RBFOX1: variants seen among roughly 807,000 people sequenced by gnomAD.
The protein encoded by RBFOX1 is RNA binding protein fox-1 homolog 1.
In RBFOX1, 8 loss-of-function variants were observed where a neutral mutation model predicts 57.7. That is an observed-to-expected ratio of 0.14 (90% CI 0.08 to 0.25). The LOEUF (loss-of-function observed/expected upper bound fraction) is 0.25. Among genes scored for constraint, RBFOX1 ranks in the 10% least tolerant of loss-of-function variants. The pLI is 1.00. For synonymous variants in RBFOX1, 326 were observed against 222.4 expected, an observed-to-expected ratio of 1.47 and a Z score of -4.15; for missense variants, 611 against 548.5, an observed-to-expected ratio of 1.11 and a Z score of -1.14.
At chr16:7,276,288 C>A (rs1310727864) in intron 4 of RBFOX1, among the ~76,000 whole-genome samples, 1 of 152,152 alleles carries the variant, frequency 6.6e-6, no homozygotes, top group African/African-American at 2.4e-5. Context: ...CCATAATGTT[C>A]CTCTCCTTCC....
chr16:7,000,113 A>T (rs368379767), intron 3 of RBFOX1, among the ~76,000 whole-genome samples: 1 of 151,912 alleles, frequency 6.6e-6, no homozygotes, highest in Non-Finnish European at 1.5e-5. Context: ...GTGTCCAAAC[A>T]TCATATTATT....
chr16:6,096,885 C>T (rs781234807), intron 1 of RBFOX1, among the ~76,000 whole-genome samples: 26 of 152,206 alleles, frequency 1.7e-4, no homozygotes, highest in Non-Finnish European at 5.9e-5. Context: ...AAGTCCCAGA[C>T]CCTTCCTCAG....
intron 4 of RBFOX1, among the ~76,000 whole-genome samples, chr16:7,169,434 C>G (rs942276234): frequency 6.6e-6 from 1 of 152,194 alleles, no homozygotes; most frequent in African/African-American, 2.4e-5. Context: ...AACGGAATCC[C>G]TGACCTAGGG....
chr16:7,410,552 G>A (rs533930530), intron 4 of RBFOX1, among the ~76,000 whole-genome samples: 131 of 152,246 alleles, frequency 8.6e-4, no homozygotes, highest in Non-Finnish European at 1.5e-3. Flanking sequence ...GTGGTGGTGC[G>A]TGCCTGTAAT....
At chr16:7,230,415 C>T (rs938517451) in intron 4 of RBFOX1, among the ~76,000 whole-genome samples, 1 of 152,112 alleles carries the variant, frequency 6.6e-6, no homozygotes, top group Admixed American at 6.6e-5. Context: ...TTAACTTATT[C>T]ATCTGCCTGC....
At chr16:6,559,085 A>T (rs896447039) in intron 2 of RBFOX1, among the ~76,000 whole-genome samples, 1 of 151,448 alleles carries the variant, frequency 6.6e-6, no homozygotes, top group Non-Finnish European at 1.5e-5. Flanking sequence ...AGTTCCTTGT[A>T]CTTTTCCTCC....
chr16:6,985,367 A>G (rs918198053), intron 3 of RBFOX1, among the ~76,000 whole-genome samples: 1 of 152,202 alleles, frequency 6.6e-6, no homozygotes, highest in Non-Finnish European at 1.5e-5. Flanking sequence ...CAAAAGATAT[A>G]TGGTCTTATA....
intron 3 of RBFOX1, among the ~76,000 whole-genome samples, chr16:5,713,522 G>A (rs1047241877): frequency 6.6e-6 from 1 of 152,134 alleles, no homozygotes; most frequent in Non-Finnish European, 1.5e-5. Context: ...TGTTCCTAAG[G>A]AGGGTATCTG....
At chr16:6,827,232 C>G (rs1241332124) in intron 3 of RBFOX1, among the ~76,000 whole-genome samples, 1 of 151,426 alleles carries the variant, frequency 6.6e-6, no homozygotes, top group Non-Finnish European at 1.5e-5. Flanking sequence ...ACTTTAATCT[C>G]ATTTTCTCCT....
intron 2 of RBFOX1, among the ~76,000 whole-genome samples, chr16:6,508,338 C>G (rs977978263): frequency 1.3e-5 from 2 of 152,062 alleles, no homozygotes; most frequent in African/African-American, 2.4e-5. Context: ...ATGTAACAAA[C>G]CTGCACTTGT....
intron 2 of RBFOX1, among the ~76,000 whole-genome samples, chr16:6,518,606 T>C (rs974725891): frequency 7.9e-5 from 12 of 152,194 alleles, no homozygotes; most frequent in African/African-American, 2.2e-4. Context: ...GACCACTTAC[T>C]GCCTCCAGCT....
chr16:7,512,464 C>T (rs2075346598), intron 4 of RBFOX1, among the ~76,000 whole-genome samples: 1 of 152,272 alleles, frequency 6.6e-6, no homozygotes, highest in East Asian at 1.9e-4. Flanking sequence ...GCCTAAAGTG[C>T]AAATGTTGGG....
At chr16:5,312,471 C>T (rs1807755) in intron 1 of RBFOX1, among the ~76,000 whole-genome samples, 18,599 of 152,022 alleles carry the variant, frequency 0.12, 1,133 homozygotes, top group Middle Eastern at 0.19. Context: ...GGTGCCTGCC[C>T]GTGACCACTA....
At chr16:7,588,852 A>C (rs958460679) in intron 7 of RBFOX1, among the ~76,000 whole-genome samples, 1 of 152,134 alleles carries the variant, frequency 6.6e-6, no homozygotes, top group Non-Finnish European at 1.5e-5. Flanking sequence ...GATGTTGATC[A>C]TATCAAGGAA....
intron 4 of RBFOX1, among the ~76,000 whole-genome samples, chr16:7,244,371 A>C (rs751570249): frequency 1.3e-5 from 2 of 151,848 alleles, no homozygotes; most frequent in Admixed American, 6.6e-5. Context: ...CTCAAGATGC[A>C]TCCCCATGGA....
At chr16:6,681,058 G>A (rs1001974194) in intron 3 of RBFOX1, among the ~76,000 whole-genome samples, 5 of 152,248 alleles carry the variant, frequency 3.3e-5, no homozygotes, top group East Asian at 1.9e-4. Context: ...CACCCATAAT[G>A]CCAGTCCTTT....
At chr16:7,500,930 G>T (rs1039855239) in intron 4 of RBFOX1, among the ~76,000 whole-genome samples, 1 of 152,162 alleles carries the variant, frequency 6.6e-6, no homozygotes, top group East Asian at 1.9e-4. Context: ...CTTCTCATGA[G>T]ATCTGATGGG....
intron 5 of RBFOX1, among the ~76,000 whole-genome samples, chr16:7,537,743 A>G (rs2081881559): frequency 6.6e-6 from 1 of 152,194 alleles, no homozygotes; most frequent in South Asian, 2.1e-4. Flanking sequence ...TTTGGAATTA[A>G]CGCAGGAGCC....
chr16:5,845,428 T>C (rs1017760755), intron 3 of RBFOX1, among the ~76,000 whole-genome samples: 1 of 152,196 alleles, frequency 6.6e-6, no homozygotes, highest in Non-Finnish European at 1.5e-5. Context: ...CCAGCCTTTC[T>C]TGAGTTTCAG....
Sources: gnomAD v4.1 joint callset for allele counts (sites outside exome capture counted in the v4.1 genomes callset) on GRCh38, gnomAD v4.1.1 for gene constraint, MANE v1.5 for transcripts, NCBI Gene and HGNC (gene_info 2026-07-23, HGNC 2026-07-21) for gene names.